TIFAB: variants seen among roughly 807,000 people sequenced by gnomAD.
TIFAB encodes the protein TIFA inhibitor.
For synonymous variants in TIFAB, 116 were observed against 95.2 expected (o/e 1.22, Z -1.27); for missense variants, 222 against 203.6 (o/e 1.09, Z -0.55).
Position 135,447,051 on chromosome 5 carries a change from C to A in TIFAB, c.*2403G>T, listed in dbSNP as rs1769282347. 1 of 1,613,938 alleles carries A rather than the reference C, an allele frequency of 6.2e-7. No individual in the cohort carries two copies. The highest frequency in any genetic ancestry group is 1.3e-5 in the African/African-American group (1 of 74,946). On this transcript the variant is annotated 3_prime_UTR_variant, in exon 2 of 2. Coordinates refer to ENST00000537858, the MANE Select transcript of TIFAB (RefSeq NM_001099221.2). ...CTCTCCAGTCTTTGGTGTCCAGGTA[C>A]AGTCTCCAGGCCGTGGCTTCTCGAG...
chr5:135,446,520 G>A lies in TIFAB; in HGVS notation c.*2934C>T, dbSNP rs754352915. 45 of 1,613,870 alleles carry A rather than the reference G, an allele frequency of 2.8e-5. No individual in the cohort carries two copies. The highest frequency in any genetic ancestry group is 3.6e-5 in the Non-Finnish European group (42 of 1,179,892). ...GAAGACCAGGCCCTGAAGCCAGCCT[G>A]ACGGTTCCAGCTGTTAGGAGAAAGT... is the stretch of plus-strand genomic sequence containing the variant. On this transcript the variant is annotated 3_prime_UTR_variant, in exon 2 of 2. Coordinates refer to ENST00000537858, the MANE Select transcript of TIFAB (RefSeq NM_001099221.2).
Position 135,447,278 on chromosome 5 carries a change from T to C in TIFAB, c.*2176A>G. 9 of 777,046 alleles carry C rather than the reference T, an allele frequency of 1.2e-5. No homozygotes were observed. Among genetic ancestry groups the C allele is most frequent in the Non-Finnish European group, 1.7e-5 (8 of 482,422 alleles). The allele number at this position is 777,046 out of a possible 1,614,324, so 48.1% of individuals were successfully genotyped here. ...AGATTAAAATCCCCTCCCTGTTGCC[T>C]ACCAGGTCCGTGGCTACAACTAAAT... On this transcript the variant is annotated 3_prime_UTR_variant, in exon 2 of 2. Coordinates refer to ENST00000537858, the MANE Select transcript of TIFAB (RefSeq NM_001099221.2).
rs372937568 is a variant in TIFAB at position 135,446,859 on chromosome 5, C to T, written c.*2595G>A. 4.3e-6 allele frequency: 7 copies of T among 1,613,912 alleles called. No homozygotes were observed. The highest frequency in any genetic ancestry group is 4.0e-5 in the African/African-American group (3 of 75,048). On this transcript the variant is annotated 3_prime_UTR_variant, in exon 2 of 2. Transcript: ENST00000537858. Reference sequence around the variant, plus strand: ...CCCCTGTGGAGGAATTGAACTGCCCCCTCTCGCAGGACCCCAGCTGGCAAG... The same window carrying T: ...CCCCTGTGGAGGAATTGAACTGCCCTCTCTCGCAGGACCCCAGCTGGCAAG...
In TIFAB at chr5:135,449,887, C is replaced by A; in HGVS notation, c.53G>T (p.Gly18Val). The A allele has an allele frequency of 1.9e-6, 3 of 1,567,938 alleles. No individual in the cohort carries two copies. The highest frequency in any genetic ancestry group is 1.7e-6 in the Non-Finnish European group (2 of 1,154,722). The stretch of plus-strand genomic sequence containing the variant: ...TGGGACATTGGCAAAGGCAGATGGG[C>A]CCAGCGTGGGATGGTACAGGCTCAC... ...LRVSLYHPTLGPSAFANVPPR... is the reference protein window; with the variant it reads ...LRVSLYHPTLVPSAFANVPPR... The change falls in exon 2 of 2, where the codon GGC becomes GTC. Residue 18 changes from glycine to valine, a missense_variant. Coordinates refer to ENST00000537858, the MANE Select transcript of TIFAB (RefSeq NM_001099221.2).
In TIFAB at chr5:135,444,464, A is replaced by G. The variant is rs1769218134; in HGVS notation, c.*4990T>C. The G allele has an allele frequency of 6.6e-6, 1 of 152,288 alleles. No homozygotes were observed. The highest frequency in any genetic ancestry group is 1.9e-4 in the East Asian group (1 of 5,194). The allele number at this position is 152,288 out of a possible 1,614,324, so 9.4% of individuals were successfully genotyped here. A position where few individuals can be genotyped will look rare whatever the true frequency, so the allele number is the denominator to read the frequency against. On this transcript the variant is annotated 3_prime_UTR_variant, in exon 2 of 2. Coordinates refer to ENST00000537858, the MANE Select transcript of TIFAB (RefSeq NM_001099221.2). ...GCTGGAGGGAGGACCTGTTAACCTCATGGTACTGTGGCGACATCAGCCACC... is the reference window on the plus strand; with the variant it reads ...GCTGGAGGGAGGACCTGTTAACCTCGTGGTACTGTGGCGACATCAGCCACC...
In TIFAB at chr5:135,449,077, T is replaced by G; in HGVS notation, c.*377A>C. ...CTCCTAGTCAGACAACAGGGAGAAA[T>G]GTGTGGAAATGCTGAGAGAGGCTCC... On this transcript the variant is annotated 3_prime_UTR_variant, in exon 2 of 2. Transcript: ENST00000537858. The G allele has an allele frequency of 4.5e-6, 1 of 224,718 alleles. No homozygotes were observed. Among genetic ancestry groups the G allele is most frequent in the Non-Finnish European group, 9.0e-6 (1 of 111,536 alleles). 13.9% of individuals were successfully genotyped at this position (224,718 alleles called of 1,614,324 possible).
In TIFAB at chr5:135,447,336, C is replaced by T. The variant is rs761126301; in HGVS notation, c.*2118G>A. 9 of 599,838 alleles carry T rather than the reference C, an allele frequency of 1.5e-5. No individual in the cohort carries two copies. Among genetic ancestry groups the T allele is most frequent in the Admixed American group, 9.4e-5 (3 of 31,824 alleles). 37.2% of individuals were successfully genotyped at this position (599,838 alleles called of 1,614,324 possible). The stretch of plus-strand genomic sequence containing the variant: ...TGGGGAATCACAGAGCACAGGTAAG[C>T]CCTTGGGTTCTGGAGCCAGCTTACT... On this transcript the variant is annotated 3_prime_UTR_variant, in exon 2 of 2. Transcript: ENST00000537858.
In TIFAB at chr5:135,449,568, A is replaced by T. The variant is rs1451116403; in HGVS notation, c.372T>A (p.Ala124=). 6.2e-7 allele frequency: 1 copy of T among 1,614,240 alleles called. No homozygotes were observed. The highest frequency in any genetic ancestry group is 1.3e-5 in the African/African-American group (1 of 75,068). The part of the protein sequence containing the change: ...VRVEEGTSLE[A]FVCYFHVSPS... ...GGCTGACATGGAAATAGCAGACAAAAGCCTCCAGGGATGTGCCTTCTTCTA... is the reference window on the plus strand; with the variant it reads ...GGCTGACATGGAAATAGCAGACAAATGCCTCCAGGGATGTGCCTTCTTCTA... Residue 124 remains alanine, a synonymous_variant, in exon 2 of 2, where the codon GCT becomes GCA. Transcript: ENST00000537858.
chr5:135,444,876 T>A lies in TIFAB; in HGVS notation c.*4578A>T, dbSNP rs1471722897. On this transcript the variant is annotated 3_prime_UTR_variant, in exon 2 of 2. Coordinates refer to ENST00000537858, the MANE Select transcript of TIFAB (RefSeq NM_001099221.2). ...GAAACTGTTAAAGCCACCCATCCTA[T>A]GAAACTCACTCCTTTGGGTTAAGCA... 6.6e-6 allele frequency: 1 copy of A among 152,314 alleles called. No individual in the cohort carries two copies. The highest frequency in any genetic ancestry group is 1.5e-5 in the Non-Finnish European group (1 of 68,098). 9.4% of individuals were successfully genotyped at this position (152,314 alleles called of 1,614,324 possible).
At chr5:135,450,094 G>T in intron 1 of TIFAB, 145 bp from the exon 2 acceptor site, 1 of 1,109,960 alleles carries the variant, frequency 9.0e-7, no homozygotes, top group Non-Finnish European at 1.3e-6. Flanking sequence ...AGCCAAGGCT[G>T]GAATTGGTGT....
At position 135,446,750 on chromosome 5, in the gene TIFAB, G is replaced by A; in HGVS notation, c.*2704C>T. The A allele has an allele frequency of 6.2e-7, 1 of 1,613,986 alleles. No homozygotes were observed. Among genetic ancestry groups the A allele is most frequent in the Non-Finnish European group, 8.5e-7 (1 of 1,179,868 alleles). Reference sequence around the variant, plus strand: ...GGCTCCCTCCCGCCTGGTCTGGCCTGTCTTCCTTCTGCTGCTATGCAGTTC... The same window carrying A: ...GGCTCCCTCCCGCCTGGTCTGGCCTATCTTCCTTCTGCTGCTATGCAGTTC... On this transcript the variant is annotated 3_prime_UTR_variant, in exon 2 of 2. Coordinates refer to ENST00000537858, the MANE Select transcript of TIFAB (RefSeq NM_001099221.2).
chr5:135,447,891 C>G lies in TIFAB; in HGVS notation c.*1563G>C, dbSNP rs930831875. 6.6e-6 allele frequency: 1 copy of G among 152,226 alleles called. No individual in the cohort carries two copies. Among genetic ancestry groups the G allele is most frequent in the African/African-American group, 2.4e-5 (1 of 41,460 alleles). The allele number at this position is 152,226 out of a possible 1,614,324, so 9.4% of individuals were successfully genotyped here. On this transcript the variant is annotated 3_prime_UTR_variant, in exon 2 of 2. Transcript: ENST00000537858. ...GCCTTATTCACTTCTGGTTCAGTTCCGTGGCTTTGCACAGATCTGGCACAA... is the reference window on the plus strand; with the variant it reads ...GCCTTATTCACTTCTGGTTCAGTTCGGTGGCTTTGCACAGATCTGGCACAA...
In TIFAB at chr5:135,446,308, G is replaced by A. The variant is rs1417179569; in HGVS notation, c.*3146C>T. On this transcript the variant is annotated 3_prime_UTR_variant, in exon 2 of 2. Transcript: ENST00000537858. ...GGCCCTAGCTGGGAGCAGCGTTCAT[G>A]TGCACTGTATGTTCGTGTTTAGTGT... 3.3e-6 allele frequency: 5 copies of A among 1,523,640 alleles called. No homozygotes were observed. The highest frequency in any genetic ancestry group is 3.5e-6 in the Non-Finnish European group (4 of 1,134,356). 94.4% of individuals were successfully genotyped at this position (1,523,640 alleles called of 1,614,324 possible).
chr5:135,444,410 A>G lies in TIFAB; in HGVS notation c.*5044T>C, dbSNP rs1258141051. The G allele has an allele frequency of 6.6e-6, 1 of 152,280 alleles. No homozygotes were observed. Among genetic ancestry groups the G allele is most frequent in the Non-Finnish European group, 1.5e-5 (1 of 68,072 alleles). The allele number at this position is 152,280 out of a possible 1,614,324, so 9.4% of individuals were successfully genotyped here. Reference sequence around the variant, plus strand: ...GTGCGGTGTCCGGTGAACGGCTGCAATGCAGGTTAGGCTGCCACCATGAGG... The same window carrying G: ...GTGCGGTGTCCGGTGAACGGCTGCAGTGCAGGTTAGGCTGCCACCATGAGG... On this transcript the variant is annotated 3_prime_UTR_variant, in exon 2 of 2. Coordinates refer to ENST00000537858, the MANE Select transcript of TIFAB (RefSeq NM_001099221.2).
Position 135,446,212 on chromosome 5 carries a change from C to A in TIFAB, c.*3242G>T. 2.3e-6 allele frequency: 2 copies of A among 851,648 alleles called. No homozygotes were observed. Among genetic ancestry groups the A allele is most frequent in the East Asian group, 2.6e-5 (1 of 38,756 alleles). 52.8% of individuals were successfully genotyped at this position (851,648 alleles called of 1,614,324 possible). A position where few individuals can be genotyped will look rare whatever the true frequency, so the allele number is the denominator to read the frequency against. ...GGCACGGAGAGATTCAGTTACTTGT[C>A]CAGGATCACAGAACTATAGTAAGTG... On this transcript the variant is annotated 3_prime_UTR_variant, in exon 2 of 2. Transcript: ENST00000537858.
Position 135,446,692 on chromosome 5 carries a change from G to T in TIFAB, c.*2762C>A. The T allele has an allele frequency of 6.2e-7, 1 of 1,613,844 alleles. No individual in the cohort carries two copies. Among genetic ancestry groups the T allele is most frequent in the Non-Finnish European group, 8.5e-7 (1 of 1,179,764 alleles). On this transcript the variant is annotated 3_prime_UTR_variant, in exon 2 of 2. Transcript: ENST00000537858. ...GTGAGACTGTGTGAACTGTGAACGG[G>T]TAGAGTCTGAAACTACAAACCAGAT...
chr5:135,449,692 C>G lies in TIFAB; in HGVS notation c.248G>C (p.Cys83Ser), dbSNP rs1278704792. 1.2e-6 allele frequency: 2 copies of G among 1,614,152 alleles called. No homozygotes were observed. Among genetic ancestry groups the G allele is most frequent in the South Asian group, 1.1e-5 (1 of 91,084 alleles). The change falls in exon 2 of 2, where the codon TGT becomes TCT. Residue 83 changes from cysteine to serine, a missense_variant. Cys to Ser is a moderately radical substitution (Grantham distance 112). Coordinates refer to ENST00000537858, the MANE Select transcript of TIFAB (RefSeq NM_001099221.2). ...CAGCGTCAGCCCATTGACCCACACA[C>G]AGCCCTTGCGGCTCAGGGCCTTGAG... ...FCLKALSRKGCVWVNGLTLRY... is the reference protein window; with the variant it reads ...FCLKALSRKGSVWVNGLTLRY...
rs1769332753 is a variant in TIFAB at position 135,449,716 on chromosome 5, A to G, written c.224T>C (p.Leu75Pro). Residue 75 changes from leucine (L) to proline (P), a missense_variant, in exon 2 of 2, where the codon CTC becomes CCC. Transcript: ENST00000537858. ...EKGSALLAFC[L>P]KALSRKGCVW... ...ACAGCCCTTGCGGCTCAGGGCCTTG[A>G]GGCAGAAGGCCAGCAGGGCACTGCC... is the stretch of plus-strand genomic sequence containing the variant. 6.2e-7 allele frequency: 1 copy of G among 1,614,100 alleles called. No individual in the cohort carries two copies. Among genetic ancestry groups the G allele is most frequent in the Non-Finnish European group, 8.5e-7 (1 of 1,180,032 alleles).
At position 135,449,465 on chromosome 5, in the gene TIFAB, C is replaced by T. The variant is rs757550708; in HGVS notation, c.475G>A (p.Gly159Ser). Residue 159 changes from glycine (G) to serine (S), a missense_variant, in exon 2 of 2, where the codon GGT becomes AGT. Transcript: ENST00000537858. ...GCAACCTGGATCTGCTACCCTGAAC[C>T]AGGGGGAGGCTGCCCCTGGGAGATG... is the stretch of plus-strand genomic sequence containing the variant. ...EGISQGQPPP[G>S]SG 1 of 1,613,708 alleles carries T rather than the reference C, an allele frequency of 6.2e-7. No individual in the cohort carries two copies. Among genetic ancestry groups the T allele is most frequent in the Non-Finnish European group, 8.5e-7 (1 of 1,179,852 alleles).
Sources: gnomAD v4.1 joint callset for allele counts on GRCh38, gnomAD v4.1.1 for gene constraint, MANE v1.5 for transcripts, NCBI Gene and HGNC (gene_info 2026-07-23, HGNC 2026-07-21) for gene names.